MORC1: variants seen among roughly 807,000 people sequenced by gnomAD.
MORC1 encodes MORC family CW-type zinc finger 1.
MORC1 carries 59 observed loss-of-function variants against 134.9 expected under a neutral mutation model. The observed-to-expected ratio is 0.44, with a 90% CI of 0.35 to 0.54. The LOEUF is 0.54. Ranked by LOEUF, MORC1 falls within the 20% of genes least tolerant of loss-of-function variation. The pLI is 0.00. For missense variants in MORC1, 947 were observed against 1,134.5 expected (o/e 0.83, Z 2.37); for synonymous variants, 395 against 391.7 (o/e 1.01, Z -0.10).
intron 10 of MORC1, among the ~76,000 whole-genome samples, chr3:109,062,486 T>C (rs997367071): frequency 6.6e-6 from 1 of 150,790 alleles, no homozygotes; most frequent in African/African-American, 2.4e-5. Flanking sequence ...AGTGGCGCGA[T>C]CTCAGCTCAC....
chr3:109,019,534 C>A (rs566248383), intron 17 of MORC1, among the ~76,000 whole-genome samples: 1 of 149,550 alleles, frequency 6.7e-6, no homozygotes, highest in Non-Finnish European at 1.5e-5. Flanking sequence ...ACATTGTTTA[C>A]GTCACGTTGG....
chr3:108,971,843 G>A (rs1275917201), intron 24 of MORC1, among the ~76,000 whole-genome samples: 1 of 141,574 alleles, frequency 7.1e-6, no homozygotes, highest in South Asian at 2.6e-4. Flanking sequence ...GGGAGGGAGG[G>A]AGGCAGGGAG....
At chr3:109,117,598 A>G (rs1188679093) in intron 1 of MORC1, among the ~76,000 whole-genome samples, 1 of 152,210 alleles carries the variant, frequency 6.6e-6, no homozygotes. Flanking sequence ...GAAAAGACTC[A>G]GGAGGCCATA....
intron 18 of MORC1, among the ~76,000 whole-genome samples, chr3:109,006,308 C>A (rs1220970844): frequency 6.6e-6 from 1 of 152,160 alleles, no homozygotes; most frequent in Non-Finnish European, 1.5e-5. Context: ...TCATTGGTCT[C>A]TGATTCCTTG....
intron 13 of MORC1, among the ~76,000 whole-genome samples, chr3:109,055,145 G>A (rs1251275793): frequency 2.6e-5 from 4 of 152,110 alleles, no homozygotes; most frequent in Admixed American, 6.5e-5. Flanking sequence ...ATCGCCTTAC[G>A]TGGAGAGTGA....
chr3:109,051,871 C>T (rs1297227705), intron 14 of MORC1, among the ~76,000 whole-genome samples: 1 of 151,606 alleles, frequency 6.6e-6, no homozygotes, highest in Admixed American at 6.6e-5. Context: ...GGGAGGGTAC[C>T]CACACACCAA....
intron 25 of MORC1, 45 bp from the exon 26 acceptor site, chr3:108,969,767 A>C (rs1197112262): frequency 8.3e-6 from 13 of 1,571,702 alleles, no homozygotes; most frequent in Non-Finnish European, 1.1e-5. Flanking sequence ...GCTTTTAGAG[A>C]ATGTGCTGTC....
chr3:109,113,420 C>T (rs1435722745), intron 2 of MORC1, among the ~76,000 whole-genome samples: 1 of 152,128 alleles, frequency 6.6e-6, no homozygotes, highest in Non-Finnish European at 1.5e-5. Flanking sequence ...TAATTGACTA[C>T]ACTTTGTGGT....
At chr3:108,974,039 C>T (rs912003669) in intron 24 of MORC1, among the ~76,000 whole-genome samples, 1 of 151,908 alleles carries the variant, frequency 6.6e-6, no homozygotes, top group Middle Eastern at 3.4e-3. Flanking sequence ...TTACAGACAC[C>T]CCCACCCCCC....
Position 109,063,154 on chromosome 3 carries a change from A to G in MORC1, c.893T>C (p.Ile298Thr). ...EVKKAEEAVK[I>T]AESILKEAQI... ...GTAGGCTACAGGTAATCGCATACCA[A>G]TCTTTACTGCTTCTTCTGCCTTTTT... Residue 298 changes from isoleucine (I) to threonine (T), a missense_variant and splice_region_variant, in exon 10 of 28, where the codon ATT becomes ACT. Ile to Thr is a moderately conservative substitution (Grantham distance 89). This residue lies in a region of MORC1 where 722 missense variants were observed against 817.0 expected (regional missense o/e 0.88). Transcript: ENST00000232603. The G allele has an allele frequency of 1.3e-6, 2 of 1,591,780 alleles. No homozygotes were observed. Among genetic ancestry groups the G allele is most frequent in the Non-Finnish European group, 1.7e-6 (2 of 1,161,482 alleles).
intron 17 of MORC1, among the ~76,000 whole-genome samples, chr3:109,020,519 C>A (rs1369583083): frequency 1.3e-5 from 2 of 152,238 alleles, no homozygotes; most frequent in African/African-American, 4.8e-5. Context: ...GTAATCCCAG[C>A]ACTTTGGGAG....
rs773932041 is a variant in MORC1, at chr3:109,005,278, T to C, written c.1805A>G (p.Asp602Gly). Reference sequence around the variant, plus strand: ...TGAAAGAGATTCATGCTTCAAGTCATCGCCCAAAAGCCTGATTTTCTGGGT... The same window carrying C: ...TGAAAGAGATTCATGCTTCAAGTCACCGCCCAAAAGCCTGATTTTCTGGGT... ...TKTQKIRLLGDDLKHESLSSF... is the reference protein window; with the variant it reads ...TKTQKIRLLGGDLKHESLSSF... Residue 602 changes from aspartate to glycine, a missense_variant, in exon 19 of 28, where the codon GAT (aspartate) becomes GGT (glycine). Around this residue, in one of 3 missense-constraint regions of MORC1, gnomAD observed 722 missense variants for 817.0 expected, o/e 0.88. Transcript: ENST00000232603. The C allele has an allele frequency of 3.1e-6, 5 of 1,608,060 alleles. No homozygotes were observed. The highest frequency in any genetic ancestry group is 4.2e-6 in the Non-Finnish European group (5 of 1,178,564).
chr3:109,007,419 T>C (rs1431586890), intron 17 of MORC1, among the ~76,000 whole-genome samples: 1 of 152,182 alleles, frequency 6.6e-6, no homozygotes, highest in African/African-American at 2.4e-5. Context: ...GTTCCCCACC[T>C]ACAGAGTACA....
Position 108,963,464 on chromosome 3 carries a change from G to T in MORC1, c.2749C>A (p.Leu917Met). ...GCCAGTTTTATACGAAGATTCTTCAGCTTATCCTCAGAGATTTTTCTTTTA... is the reference window on the plus strand; with the variant it reads ...GCCAGTTTTATACGAAGATTCTTCATCTTATCCTCAGAGATTTTTCTTTTA... ...ENKRKISEDK[L>M]KNLRIKLALL... Residue 917 changes from leucine to methionine, a missense_variant, in exon 27 of 28, where the codon CTG becomes ATG. Physicochemically the swap from Leu to Met is conservative, Grantham distance 15 (BLOSUM62 2). This residue lies in a region of MORC1 where 722 missense variants were observed against 817.0 expected (regional missense o/e 0.88). Coordinates refer to ENST00000232603, the MANE Select transcript of MORC1 (RefSeq NM_014429.4). The T allele has an allele frequency of 6.2e-7, 1 of 1,611,906 alleles. No homozygotes were observed. The highest frequency in any genetic ancestry group is 8.5e-7 in the Non-Finnish European group (1 of 1,179,576).
At chr3:109,006,925 A>AT (rs1948553529) in intron 18 of MORC1, 104 bp downstream of exon 18, 1 of 786,552 alleles carries the variant, frequency 1.3e-6, no homozygotes, top group Non-Finnish European at 2.0e-6. Flanking sequence ...GTGCTTCACT[A>AT]TGTGAACCTC....
intron 17 of MORC1, among the ~76,000 whole-genome samples, chr3:109,027,157 T>C (rs1346540309): frequency 6.6e-6 from 1 of 152,250 alleles, no homozygotes. Flanking sequence ...ATGATGAATT[T>C]ATGTGCTAAA....
intron 8 of MORC1, among the ~76,000 whole-genome samples, chr3:109,082,758 A>G (rs1950546755): frequency 6.6e-6 from 1 of 152,130 alleles, no homozygotes; most frequent in South Asian, 2.1e-4. Flanking sequence ...AAAATGAAAG[A>G]AACAAAGATG....
At chr3:109,027,626 G>T in intron 17 of MORC1, 125 bp downstream of exon 17, 23 of 1,247,570 alleles carry the variant, frequency 1.8e-5, no homozygotes, top group Non-Finnish European at 1.8e-5. Context: ...ATTAAAAGAT[G>T]TCAAAAAGGA....
intron 14 of MORC1, among the ~76,000 whole-genome samples, chr3:109,053,745 C>T (rs1949884533): frequency 6.6e-6 from 1 of 152,120 alleles, no homozygotes; most frequent in African/African-American, 2.4e-5. Context: ...TCTGTAACAA[C>T]CTTGTACATG....
Sources: allele counts gnomAD v4.1 joint callset (sites outside exome capture counted in the v4.1 genomes callset), GRCh38; gene constraint gnomAD v4.1.1; regional missense constraint gnomAD v4.1.1; transcripts MANE v1.5; gene names NCBI Gene and HGNC (gene_info 2026-07-23, HGNC 2026-07-21).